Variants in IFT74 observed in about 807,000 individuals in gnomAD.
IFT74 encodes intraflagellar transport 74.
IFT74 carries 92 observed loss-of-function variants against 96.7 expected under a neutral mutation model. That is an observed-to-expected ratio of 0.95 (90% CI 0.80 to 1.13). IFT74 has a LOEUF of 1.13. Ranked by LOEUF, IFT74 falls within the 50% of genes most tolerant of loss-of-function variation. The pLI, the probability that IFT74 is intolerant of heterozygous loss-of-function variation, is 0.00. For synonymous variants in IFT74, 223 were observed against 213.2 expected, an observed-to-expected ratio of 1.05 and a Z score of -0.40; for missense variants, 811 against 698.2, an observed-to-expected ratio of 1.16 and a Z score of -1.82.
chr9:26,947,831 T>A (rs1459050407), intron 1 of IFT74, among the ~76,000 whole-genome samples: 1 of 152,192 alleles, frequency 6.6e-6, no homozygotes, highest in Non-Finnish European at 1.5e-5. Flanking sequence ...TACTTTTCTC[T>A]GGCGGCTTGT....
chr9:27,038,943 TC>T (rs770075258), intron 13 of IFT74, among the ~76,000 whole-genome samples: 1 of 152,116 alleles, frequency 6.6e-6, no homozygotes, highest in Admixed American at 6.6e-5. Context: ...AGAACAATGT[TC>T]CCAACTAAAG....
At chr9:26,988,796 T>C (rs1827746995) in intron 7 of IFT74, 68 bp downstream of exon 7, 1 of 1,320,602 alleles carries the variant, frequency 7.6e-7, no homozygotes. Flanking sequence ...CATTTATATC[T>C]AGAAATAGTT....
At chr9:27,056,670 A>G (rs1168432615) in intron 18 of IFT74, among the ~76,000 whole-genome samples, 1 of 152,084 alleles carries the variant, frequency 6.6e-6, no homozygotes, top group Non-Finnish European at 1.5e-5. Context: ...TCTGTTAGAT[A>G]CTGTCTTGGG....
At chr9:27,021,947 A>G (rs1829625375) in intron 12 of IFT74, among the ~76,000 whole-genome samples, 1 of 152,066 alleles carries the variant, frequency 6.6e-6, no homozygotes, top group African/African-American at 2.4e-5. Context: ...TATCTTCTAG[A>G]ATTTGTATGG....
At chr9:27,008,277 G>A (rs1048727987) in intron 8 of IFT74, among the ~76,000 whole-genome samples, 4 of 152,078 alleles carry the variant, frequency 2.6e-5, no homozygotes, top group African/African-American at 4.8e-5. Flanking sequence ...TGATTTACAC[G>A]GGAAACTTCT....
At chr9:27,039,483 G>C (rs1819371213) in intron 13 of IFT74, among the ~76,000 whole-genome samples, 4 of 152,250 alleles carry the variant, frequency 2.6e-5, no homozygotes, top group Middle Eastern at 3.4e-3. Context: ...GATTTCTTGA[G>C]GTCAGGAGCT....
chr9:27,031,951 G>A (rs1017304873), intron 13 of IFT74, among the ~76,000 whole-genome samples: 2 of 152,054 alleles, frequency 1.3e-5, no homozygotes, highest in African/African-American at 2.4e-5. Flanking sequence ...GGCTCTAGCA[G>A]TCTTTCTGCC....
intron 7 of IFT74, among the ~76,000 whole-genome samples, chr9:26,989,392 GATTA>G (rs1171507395): frequency 3.9e-5 from 6 of 152,164 alleles, no homozygotes; most frequent in Admixed American, 6.5e-5. Context: ...AATGTTCTTA[GATTA>G]ATTGTTTGGT....
At position 26,961,824 on chromosome 9, in the gene IFT74, A is replaced by G. The variant is rs1301868449; in HGVS notation, c.-19-125A>G. 3.0e-5 allele frequency: 26 copies of G among 873,284 alleles called. No individual in the cohort carries two copies. In the Middle Eastern group the frequency reaches 9.5e-4, roughly 32 times the overall value. The allele number at this position is 873,284 out of a possible 1,614,324, so 54.1% of individuals were successfully genotyped here. A position where few individuals can be genotyped will look rare whatever the true frequency, so the allele number is the denominator to read the frequency against. ...CATATTTGAACAAAATTAGCCTTGTAGTGGTACACAGAACGGCAGTTTGCA... is the reference window on the plus strand; with the variant it reads ...CATATTTGAACAAAATTAGCCTTGTGGTGGTACACAGAACGGCAGTTTGCA... On this transcript the variant is annotated intron_variant, in intron 1 of 19. Coordinates refer to ENST00000380062, the MANE Select transcript of IFT74 (RefSeq NM_025103.4).
chr9:27,031,398 C>T (rs1041750259), intron 13 of IFT74, among the ~76,000 whole-genome samples: 2 of 151,592 alleles, frequency 1.3e-5, no homozygotes, highest in East Asian at 1.9e-4. Context: ...ACCCAGGAGG[C>T]GGAACTTGCA....
chr9:27,040,312 A>T (rs1819406192), intron 13 of IFT74, among the ~76,000 whole-genome samples: 1 of 152,124 alleles, frequency 6.6e-6, no homozygotes, highest in South Asian at 2.1e-4. Flanking sequence ...GCACTCTGGG[A>T]GGCTGAAGTG....
rs568270746 is a variant in IFT74 at position 26,991,475 on chromosome 9, C to T, written c.587+1280C>T. Among the ~76,000 whole-genome samples, 16 of 152,260 alleles carry T rather than the reference C, an allele frequency of 1.1e-4. No individual in the cohort carries two copies. In the East Asian group the frequency reaches 2.7e-3, roughly 26 times the overall value. On this transcript the variant is annotated intron_variant, in intron 8 of 19. Transcript: ENST00000380062. Reference sequence around the variant, plus strand: ...TCTCAAGCAGTCCTCCTACCTTGGCCTCCTCAAGTGTTGGGATTACAGGAG... The same window carrying T: ...TCTCAAGCAGTCCTCCTACCTTGGCTTCCTCAAGTGTTGGGATTACAGGAG...
intron 1 of IFT74, chr9:26,947,204 A>C: frequency 1.2e-6 from 1 of 831,318 alleles, no homozygotes; most frequent in Non-Finnish European, 1.8e-6. Context: ...GGCGGCTGGG[A>C]AGGGGCGCGC....
At chr9:27,005,389 G>T (rs1828723299) in intron 8 of IFT74, among the ~76,000 whole-genome samples, 1 of 110,290 alleles carries the variant, frequency 9.1e-6, no homozygotes, top group Non-Finnish European at 1.7e-5. Flanking sequence ...ACTTAGTATT[G>T]TATTCTAACT....
At chr9:26,951,245 A>G (rs1825921362) in intron 1 of IFT74, among the ~76,000 whole-genome samples, 1 of 152,210 alleles carries the variant, frequency 6.6e-6, no homozygotes, top group South Asian at 2.1e-4. Context: ...ATTAATGCAG[A>G]TTATACAGGA....
intron 3 of IFT74, among the ~76,000 whole-genome samples, chr9:26,979,722 T>TC (rs1325207247): frequency 1.7e-4 from 24 of 142,252 alleles, no homozygotes; most frequent in African/African-American, 6.1e-4. Context: ...TTTTTTTTTT[T>TC]TTTTTTTTGA....
At chr9:26,997,894 A>T in intron 8 of IFT74, 1 of 1,614,176 alleles carries the variant, frequency 6.2e-7, no homozygotes. Flanking sequence ...GGCTTCTTAG[A>T]GGCACAAATA....
chr9:26,985,679 T>A (rs1827599529), intron 6 of IFT74, among the ~76,000 whole-genome samples: 1 of 152,300 alleles, frequency 6.6e-6, no homozygotes, highest in South Asian at 2.1e-4. Flanking sequence ...ATACGTTTAC[T>A]GACACATACA....
intron 12 of IFT74, among the ~76,000 whole-genome samples, chr9:27,023,502 A>G (rs1332757249): frequency 2.0e-5 from 3 of 152,178 alleles, no homozygotes; most frequent in South Asian, 2.1e-4. Context: ...CATCTCTGCT[A>G]TAAAACCCAC....
Sources: allele counts gnomAD v4.1 joint callset (sites outside exome capture counted in the v4.1 genomes callset), GRCh38; gene constraint gnomAD v4.1.1; transcripts MANE v1.5; gene names NCBI Gene and HGNC (gene_info 2026-07-23, HGNC 2026-07-21).